The following ERBIN variants were observed in gnomAD, a reference collection of about 807,000 sequenced individuals.
The protein encoded by ERBIN is densin-180-like protein.
A neutral mutation model predicts 158.4 loss-of-function variants in ERBIN; 60 were observed. The ratio of observed to expected loss-of-function variants is 0.38; its 90% CI spans 0.31 to 0.47. The LOEUF (loss-of-function observed/expected upper bound fraction) is 0.47. Among genes scored for constraint, ERBIN ranks in the 20% least tolerant of loss-of-function variants. ERBIN has a pLI of 0.99. For synonymous variants in ERBIN, 594 were observed against 557.2 expected (o/e 1.07, Z -0.93); for missense variants, 1,610 against 1,648.0 (o/e 0.98, Z 0.40).
rs1453759328 is a variant in ERBIN, at chr5:66,048,695, A to T, written c.1817A>T (p.Glu606Val). 3 of 1,608,778 alleles carry T rather than the reference A, an allele frequency of 1.9e-6. No homozygotes were observed. The Admixed American group carries it at 5.0e-5, about 27-fold the overall frequency. Residue 606 changes from glutamate (E) to valine (V), a missense_variant, in exon 19 of 26, where the codon GAG becomes GTG. Coordinates refer to ENST00000284037, the MANE Select transcript of ERBIN (RefSeq NM_001253697.2). The part of the protein sequence containing the change: ...EESEELSSDE[E>V]MKMAEMRPPL... ...TCTGAAGAACTTTCTTCTGATGAAGAGATGAAAATGGCGGAGATGCGACCA... is the reference window on the plus strand; with the variant it reads ...TCTGAAGAACTTTCTTCTGATGAAGTGATGAAAATGGCGGAGATGCGACCA...
rs934589936 is a variant in ERBIN, at chr5:66,061,085, G to C, written c.3633+6134G>C. 2.0e-5 allele frequency among the ~76,000 whole-genome samples: 3 copies of C among 152,054 alleles called. No homozygotes were observed. The East Asian group carries it at 5.8e-4, about 29-fold the overall frequency. On this transcript the variant is annotated intron_variant, in intron 21 of 25. Coordinates refer to ENST00000284037, the MANE Select transcript of ERBIN (RefSeq NM_001253697.2). ...TCTGCTTGGTGCAGAGCTGAGTTGAGTTCCTGGATATCCTTGTTAACTTTC... is the reference window on the plus strand; with the variant it reads ...TCTGCTTGGTGCAGAGCTGAGTTGACTTCCTGGATATCCTTGTTAACTTTC...
At chr5:66,011,509 G>A (rs1420388490) in intron 4 of ERBIN, among the ~76,000 whole-genome samples, 1 of 152,136 alleles carries the variant, frequency 6.6e-6, no homozygotes, top group Non-Finnish European at 1.5e-5. Context: ...CCAGCATGGT[G>A]AAACCCCGTC....
At chr5:66,017,297 T>C (rs1365638066) in intron 7 of ERBIN, among the ~76,000 whole-genome samples, 1 of 152,156 alleles carries the variant, frequency 6.6e-6, no homozygotes, top group Non-Finnish European at 1.5e-5. Flanking sequence ...GCTATATTAA[T>C]TTATATTCCC....
intron 7 of ERBIN, among the ~76,000 whole-genome samples, chr5:66,015,006 A>G (rs1754563141): frequency 6.6e-6 from 1 of 152,196 alleles, no homozygotes; most frequent in Admixed American, 6.5e-5. Flanking sequence ...GCCCACCTCA[A>G]TACTGAATAG....
chr5:65,929,747 T>C (rs1743136867), intron 1 of ERBIN, among the ~76,000 whole-genome samples: 1 of 151,902 alleles, frequency 6.6e-6, no homozygotes, highest in Non-Finnish European at 1.5e-5. Flanking sequence ...TTCCAGCGAT[T>C]CTCCTGCTTC....
chr5:66,032,696 A>T (rs1757009192), intron 14 of ERBIN, among the ~76,000 whole-genome samples: 1 of 152,170 alleles, frequency 6.6e-6, no homozygotes, highest in South Asian at 2.1e-4. Context: ...GGGGAGACTG[A>T]ATTGGAGGAC....
rs543644182 is a variant in ERBIN, at chr5:66,009,956, C to T, written c.308-2093C>T. ...GCAACATTAAAATGAATTAGTAGTC[C>T]GAAAAAGTGCCAGTTAAAAATTCTG... On this transcript the variant is annotated intron_variant, in intron 4 of 25. Transcript: ENST00000284037. 1.1e-3 allele frequency among the ~76,000 whole-genome samples: 174 copies of T among 152,030 alleles called. 2 individuals are homozygous for T. Among genetic ancestry groups the T allele is most frequent in the Non-Finnish European group, 2.1e-3 (142 of 67,988 alleles).
At chr5:65,965,905 C>T (rs1580184588) in intron 1 of ERBIN, among the ~76,000 whole-genome samples, 1 of 152,304 alleles carries the variant, frequency 6.6e-6, no homozygotes, top group African/African-American at 2.4e-5. Flanking sequence ...ATGCCTGTAT[C>T]CTCTTGATAA....
At position 65,926,633 on chromosome 5, in the gene ERBIN, C is replaced by T. The variant is rs56397735; in HGVS notation, c.-231C>T. The T allele has an allele frequency of 6.9e-3, 1,045 of 151,846 alleles. 7 individuals are homozygous for T. The highest frequency in any genetic ancestry group is 0.013 in the South Asian group (63 of 4,794). The allele number at this position is 151,846 out of a possible 1,614,324, so 9.4% of individuals were successfully genotyped here. A position where few individuals can be genotyped will look rare whatever the true frequency, so the allele number is the denominator to read the frequency against. The stretch of plus-strand genomic sequence containing the variant: ...GCAAAACTCGAGACCAGGAAGCCAG[C>T]CCGCACCCCAACCCCCACCAAAGCC... On this transcript the variant is annotated 5_prime_UTR_variant, in exon 1 of 26. Transcript: ENST00000284037.
At chr5:66,045,322 TC>T (rs1758322771) in intron 17 of ERBIN, among the ~76,000 whole-genome samples, 1 of 152,138 alleles carries the variant, frequency 6.6e-6, no homozygotes, top group African/African-American at 2.4e-5. Flanking sequence ...ACAAATACTT[TC>T]TATTGTGTTA....
At chr5:66,047,325 G>C (rs893018956) in intron 18 of ERBIN, among the ~76,000 whole-genome samples, 1 of 151,976 alleles carries the variant, frequency 6.6e-6, no homozygotes, top group Admixed American at 6.6e-5. Context: ...TTTTATGACC[G>C]AATAATACTA....
At position 66,056,764 on chromosome 5, in the gene ERBIN, T is replaced by C. The variant is rs139883162; in HGVS notation, c.3633+1813T>C. Among the ~76,000 whole-genome samples the C allele has an allele frequency of 8.5e-5, 13 of 152,284 alleles. No individual in the cohort carries two copies. In the East Asian group the frequency reaches 2.5e-3, roughly 29 times the overall value. On this transcript the variant is annotated intron_variant, in intron 21 of 25. Transcript: ENST00000284037. Reference sequence around the variant, plus strand: ...TCCCATTTTCAAGGATATCATACTTTGAAGTTACGAGGGGTGCTTGTTCTC... The same window carrying C: ...TCCCATTTTCAAGGATATCATACTTCGAAGTTACGAGGGGTGCTTGTTCTC...
intron 1 of ERBIN, among the ~76,000 whole-genome samples, chr5:65,980,344 G>T (rs1429246500): frequency 6.6e-6 from 1 of 151,908 alleles, no homozygotes; most frequent in Non-Finnish European, 1.5e-5. Context: ...AGGAGAATCG[G>T]GTGAACCTGG....
chr5:66,062,669 T>A (rs1484263635), intron 21 of ERBIN, among the ~76,000 whole-genome samples: 1 of 152,144 alleles, frequency 6.6e-6, no homozygotes, highest in African/African-American at 2.4e-5. Flanking sequence ...ATCTTTGTGG[T>A]TTTATCTACC....
chr5:66,027,712 A>G (rs1045120991), intron 13 of ERBIN, among the ~76,000 whole-genome samples: 8 of 151,994 alleles, frequency 5.3e-5, no homozygotes, highest in African/African-American at 1.9e-4. Flanking sequence ...TATATAAGGG[A>G]TTTGAGCATC....
At chr5:65,944,204 AT>A (rs778282107) in intron 1 of ERBIN, among the ~76,000 whole-genome samples, 3,790 of 81,740 alleles carry the variant, frequency 0.046, 158 homozygotes, top group African/African-American at 0.16. Flanking sequence ...TGTGTTTAGT[AT>A]TTTTTTTTTT....
At chr5:65,940,501 C>A (rs1397521157) in intron 1 of ERBIN, among the ~76,000 whole-genome samples, 2 of 133,196 alleles carry the variant, frequency 1.5e-5, no homozygotes, top group African/African-American at 3.1e-5. Context: ...CCAGCCGCCC[C>A]GTCTGGGAGG....
At chr5:66,023,097 T>C (rs1225556384) in intron 8 of ERBIN, 193 bp from the exon 9 acceptor site, 2 of 429,924 alleles carry the variant, frequency 4.7e-6, no homozygotes, top group East Asian at 3.8e-5. Flanking sequence ...ATAATAATTT[T>C]ACTGTAGTAA....
chr5:65,939,002 ATT>A (rs1244443928), intron 1 of ERBIN, among the ~76,000 whole-genome samples: 1 of 152,024 alleles, frequency 6.6e-6, no homozygotes. Flanking sequence ...AATTATAAAC[ATT>A]TTCTTTGAAC....
Sources: gnomAD v4.1 joint callset for allele counts (sites outside exome capture counted in the v4.1 genomes callset) on GRCh38, gnomAD v4.1.1 for gene constraint, MANE v1.5 for transcripts, NCBI Gene and HGNC (gene_info 2026-07-23, HGNC 2026-07-21) for gene names.